Variants in EXOC4 observed in about 807,000 individuals in gnomAD.
EXOC4 encodes the protein SEC8-like 1.
In EXOC4, 71 loss-of-function variants were observed where a neutral mutation model predicts 107.2. That is an observed-to-expected ratio of 0.66 (90% CI 0.55 to 0.81). The LOEUF (loss-of-function observed/expected upper bound fraction) is 0.81. Ranked by LOEUF, EXOC4 falls within the 30% of genes least tolerant of loss-of-function variation. The pLI is 0.00. For synonymous variants in EXOC4, 456 were observed against 441.2 expected, an observed-to-expected ratio of 1.03 and a Z score of -0.42; for missense variants, 1,108 against 1,189.6, an observed-to-expected ratio of 0.93 and a Z score of 1.01.
At chr7:133,659,976 T>TA (rs1199550977) in intron 10 of EXOC4, among the ~76,000 whole-genome samples, 1 of 152,138 alleles carries the variant, frequency 6.6e-6, no homozygotes, top group Non-Finnish European at 1.5e-5. Context: ...AGTCTTCTCT[T>TA]ACTAGCATCC....
chr7:133,935,575 ATAC>A (rs1183608713), intron 13 of EXOC4, among the ~76,000 whole-genome samples: 1 of 152,178 alleles, frequency 6.6e-6, no homozygotes, highest in Non-Finnish European at 1.5e-5. Context: ...GATATGTAAC[ATAC>A]TTCCTCCTGC....
At chr7:133,477,208 T>G (rs1799036793) in intron 8 of EXOC4, among the ~76,000 whole-genome samples, 1 of 152,206 alleles carries the variant, frequency 6.6e-6, no homozygotes, top group African/African-American at 2.4e-5. Context: ...TCACTCTTTG[T>G]GTTGTACAGT....
At chr7:133,958,617 C>CT (rs915541086) in intron 14 of EXOC4, among the ~76,000 whole-genome samples, 35 of 152,130 alleles carry the variant, frequency 2.3e-4, no homozygotes, top group Non-Finnish European at 3.5e-4. Context: ...TCCAGAAGTT[C>CT]TTTTTTAACC....
chr7:133,405,809 C>G (rs567884497), intron 7 of EXOC4, among the ~76,000 whole-genome samples: 4 of 152,284 alleles, frequency 2.6e-5, no homozygotes, highest in Non-Finnish European at 4.4e-5. Flanking sequence ...TTCATGCACA[C>G]ACTGTCTTGC....
intron 10 of EXOC4, among the ~76,000 whole-genome samples, chr7:133,666,799 G>A (rs1793824046): frequency 6.6e-6 from 1 of 152,134 alleles, no homozygotes; most frequent in Admixed American, 6.5e-5. Context: ...TTAGGACCCA[G>A]TAGTATACAA....
intron 9 of EXOC4, among the ~76,000 whole-genome samples, chr7:133,494,989 G>T (rs1799444357): frequency 6.6e-6 from 1 of 151,974 alleles, no homozygotes; most frequent in South Asian, 2.1e-4. Context: ...TAAAAAAATT[G>T]GGCGTGGCAT....
rs1160206659 is a variant in EXOC4, at chr7:133,737,036, T to C, written c.1515-80289T>C. ...TTCTTTTTGTCACTAACAGTTATTA[T>C]CTAAAACCTATAGATTCCGTCCTAT... On this transcript the variant is annotated intron_variant, in intron 10 of 17. Transcript: ENST00000253861. Among the ~76,000 whole-genome samples, 17 of 152,222 alleles carry C rather than the reference T, an allele frequency of 1.1e-4. 1 individual carries two copies. Among genetic ancestry groups the C allele is most frequent in the Admixed American group, 1.3e-4 (2 of 15,288 alleles).
chr7:134,017,676 G>A (rs1472564768), intron 17 of EXOC4, among the ~76,000 whole-genome samples: 1 of 152,016 alleles, frequency 6.6e-6, no homozygotes, highest in Admixed American at 6.6e-5. Flanking sequence ...CTCCTTGAAT[G>A]CGGGTGAGCA....
chr7:133,475,386 C>T lies in EXOC4; in HGVS notation c.1241C>T (p.Ala414Val). The T allele has an allele frequency of 6.2e-7, 1 of 1,613,924 alleles. No homozygotes were observed. Among genetic ancestry groups the T allele is most frequent in the Non-Finnish European group, 8.5e-7 (1 of 1,179,856 alleles). ...KNTRTASEPS[A>V]QLSYASTGRE... ...ACTCGTACGGCCTCTGAACCATCAG[C>T]TCAACTAAGCTATGCCAGCACTGGA... Residue 414 changes from alanine to valine, a missense_variant, in exon 8 of 18, where the codon GCT (alanine) becomes GTT (valine). Coordinates refer to ENST00000253861, the MANE Select transcript of EXOC4 (RefSeq NM_021807.4).
chr7:133,964,277 C>A (rs530025099), intron 14 of EXOC4, among the ~76,000 whole-genome samples: 1 of 152,150 alleles, frequency 6.6e-6, no homozygotes, highest in Admixed American at 6.5e-5. Flanking sequence ...TATTGCAAAA[C>A]AAAGCCAGCT....
At chr7:133,492,777 C>T (rs1799396370) in intron 9 of EXOC4, among the ~76,000 whole-genome samples, 2 of 151,988 alleles carry the variant, frequency 1.3e-5, no homozygotes, top group African/African-American at 4.8e-5. Context: ...AAACTATTAG[C>T]GATGTCTCTT....
chr7:133,983,059 T>C (rs1053292460), intron 14 of EXOC4, among the ~76,000 whole-genome samples: 5 of 151,780 alleles, frequency 3.3e-5, no homozygotes, highest in African/African-American at 9.7e-5. Context: ...TAGCATCTGC[T>C]TCTGGGGAGG....
chr7:134,029,196 A>G (rs1161207305), intron 17 of EXOC4, among the ~76,000 whole-genome samples: 1 of 152,166 alleles, frequency 6.6e-6, no homozygotes, highest in Non-Finnish European at 1.5e-5. Flanking sequence ...CCTCCTCCTC[A>G]CTGTGGGAGT....
chr7:133,867,415 G>A (rs1798663798), intron 11 of EXOC4, among the ~76,000 whole-genome samples: 1 of 152,178 alleles, frequency 6.6e-6, no homozygotes, highest in Non-Finnish European at 1.5e-5. Flanking sequence ...TCCTTACGAA[G>A]TGTATAAAAC....
rs759909437 is a variant in EXOC4 at position 133,774,860 on chromosome 7, C to T, written c.1515-42465C>T. Among the ~76,000 whole-genome samples, 27 of 152,124 alleles carry T rather than the reference C, an allele frequency of 1.8e-4. No individual in the cohort carries two copies. The South Asian group carries it at 2.5e-3, about 14-fold the overall frequency. ...CAATTCAAAGTTTATGATTATTTTT[C>T]CCTAAAGACTCTTAATCCTCCACCC... is the stretch of plus-strand genomic sequence containing the variant. On this transcript the variant is annotated intron_variant, in intron 10 of 17. Coordinates refer to ENST00000253861, the MANE Select transcript of EXOC4 (RefSeq NM_021807.4).
At chr7:133,298,985 G>A (rs1794583396) in intron 3 of EXOC4, among the ~76,000 whole-genome samples, 1 of 152,270 alleles carries the variant, frequency 6.6e-6, no homozygotes, top group Admixed American at 6.5e-5. Flanking sequence ...TTAGGGATAG[G>A]CACATGCTCC....
At chr7:133,950,547 GTC>G (rs1209035739) in intron 14 of EXOC4, among the ~76,000 whole-genome samples, 4 of 152,220 alleles carry the variant, frequency 2.6e-5, no homozygotes, top group Admixed American at 2.6e-4. Flanking sequence ...GTCCAAGAGA[GTC>G]TCTCCCAATT....
chr7:134,067,632 TATATATACACACACACACACACAC>T (rs1796204083), downstream of EXOC4, among the ~76,000 whole-genome samples: 1 of 98,516 alleles, frequency 1.0e-5, no homozygotes, highest in Non-Finnish European at 2.1e-5. Flanking sequence ...CTCTTATATA[TATATATACACACACACACACACAC>T]ACACACACAC....
intron 9 of EXOC4, among the ~76,000 whole-genome samples, chr7:133,492,345 T>C (rs569498416): frequency 6.6e-6 from 1 of 152,182 alleles, no homozygotes; most frequent in Non-Finnish European, 1.5e-5. Context: ...AATGATGTCA[T>C]TTGTTAAGAC....
Sources: gnomAD v4.1 joint callset for allele counts (sites outside exome capture counted in the v4.1 genomes callset) on GRCh38, gnomAD v4.1.1 for gene constraint, MANE v1.5 for transcripts, NCBI Gene and HGNC (gene_info 2026-07-23, HGNC 2026-07-21) for gene names.